PTCH1: variants seen among roughly 807,000 people sequenced by gnomAD.
PTCH1 encodes the protein protein patched homolog 1.
A neutral mutation model predicts 144.6 loss-of-function variants in PTCH1; 14 were observed. The ratio of observed to expected loss-of-function variants is 0.10; its 90% CI spans 0.06 to 0.15. The LOEUF (loss-of-function observed/expected upper bound fraction) is 0.15, where lower values mean the gene tolerates loss of function less well. Ranked by LOEUF, PTCH1 falls within the 10% of genes least tolerant of loss-of-function variation. The pLI is 1.00. For missense variants in PTCH1, 1,623 were observed against 1,948.3 expected, an observed-to-expected ratio of 0.83 and a Z score of 3.14; for synonymous variants, 833 against 793.6, an observed-to-expected ratio of 1.05 and a Z score of -0.83.
rs372219420 is a variant in PTCH1, at chr9:95,468,986, G to A, written c.2015C>T (p.Thr672Met). ...CTCAGCGGTGGTGTAGTACACGTGC[G>A]TGTGGGGGTCGTACTCCGTGCGGAG... ...VQLRTEYDPH[T>M]HVYYTTAEPR... The change falls in exon 14 of 24, where the codon ACG becomes ATG. Residue 672 changes from threonine to methionine, a missense_variant. By Grantham distance (81) the Thr-to-Met change is moderately conservative. Coordinates refer to ENST00000331920, the MANE Select transcript of PTCH1 (RefSeq NM_000264.5). The A allele has an allele frequency of 1.3e-5, 21 of 1,614,046 alleles. No homozygotes were observed. Among genetic ancestry groups the A allele is most frequent in the African/African-American group, 5.3e-5 (4 of 74,998 alleles).
chr9:95,446,636 T>C lies in PTCH1; in HGVS notation c.*2-245A>G, dbSNP rs1259003702. On this transcript the variant is annotated intron_variant, in intron 23 of 23. Coordinates refer to ENST00000331920, the MANE Select transcript of PTCH1 (RefSeq NM_000264.5). Reference sequence around the variant, plus strand: ...CTCCATAAAGACTGGCAAATATTGGTAAAAGGTGGTGCTGTTTGTGTCCTT... The same window carrying C: ...CTCCATAAAGACTGGCAAATATTGGCAAAAGGTGGTGCTGTTTGTGTCCTT... The C allele has an allele frequency of 1.6e-5, 9 of 561,806 alleles. No individual in the cohort carries two copies. The Admixed American group carries it at 2.3e-4, about 14-fold the overall frequency. The allele number at this position is 561,806 out of a possible 1,614,324, so 34.8% of individuals were successfully genotyped here.
At chr9:95,480,336 C>G (rs1841429312) in intron 6 of PTCH1, 54 bp downstream of exon 6, 1 of 1,591,300 alleles carries the variant, frequency 6.3e-7, no homozygotes, top group Non-Finnish European at 8.6e-7. Flanking sequence ...TGAATGGACA[C>G]AAAAAAGTGT....
At chr9:95,462,745 G>C (rs1213325362) in intron 15 of PTCH1, among the ~76,000 whole-genome samples, 1 of 152,214 alleles carries the variant, frequency 6.6e-6, no homozygotes, top group East Asian at 1.9e-4. Context: ...GGCTCTGTGA[G>C]AACAGATGAC....
rs1181309560 is a variant in PTCH1 at position 95,463,392 on chromosome 9, C to T, written c.2561-1394G>A. On this transcript the variant is annotated intron_variant, in intron 15 of 23. Coordinates refer to ENST00000331920, the MANE Select transcript of PTCH1 (RefSeq NM_000264.5). ...GAGGGGAGACGGGACAGGAGACCAC[C>T]GGGTGGGCCGTGCACCTCTCAGACA... Among the ~76,000 whole-genome samples the T allele has an allele frequency of 5.3e-5, 8 of 151,954 alleles. No individual in the cohort carries two copies. The East Asian group carries it at 5.8e-4, about 11-fold the overall frequency.
intron 14 of PTCH1, 89 bp downstream of exon 14, chr9:95,468,662 A>C (rs1346321215): frequency 3.9e-6 from 6 of 1,543,512 alleles, no homozygotes; most frequent in Non-Finnish European, 4.4e-6. Context: ...TTTTAAGGAA[A>C]AAGAAGAAAA....
chr9:95,460,055 C>T, intron 16 of PTCH1: 1 of 482,606 alleles, frequency 2.1e-6, no homozygotes, highest in Non-Finnish European at 3.8e-6. Context: ...TGCTAAAAGA[C>T]CGTCTGCAGC....
At chr9:95,485,238 TC>T (rs1305848340) in intron 3 of PTCH1, among the ~76,000 whole-genome samples, 1 of 151,916 alleles carries the variant, frequency 6.6e-6, no homozygotes, top group Non-Finnish European at 1.5e-5. Flanking sequence ...CAGCAACAAT[TC>T]CCATGGTGGC....
intron 3 of PTCH1, 64 bp from the exon 4 acceptor site, chr9:95,482,267 A>G (rs1454728402): frequency 6.9e-7 from 1 of 1,448,390 alleles, no homozygotes; most frequent in Non-Finnish European, 9.7e-7. Flanking sequence ...TGCAAATTCG[A>G]AATGATAGAA....
At chr9:95,481,446 C>T (rs558380861) in intron 5 of PTCH1, among the ~76,000 whole-genome samples, 2 of 152,314 alleles carry the variant, frequency 1.3e-5, no homozygotes, top group Admixed American at 6.5e-5. Context: ...AACTGCTAAA[C>T]GGTGAAACAT....
chr9:95,473,157 C>T (rs888422287), intron 12 of PTCH1, among the ~76,000 whole-genome samples: 6 of 152,210 alleles, frequency 3.9e-5, no homozygotes, highest in African/African-American at 1.4e-4. Context: ...CCAGTGATTT[C>T]TGGTGTAGAG....
Position 95,476,920 on chromosome 9 carries a change from GCTAGTTAGGA to G in PTCH1, c.1504-73_1504-64del. On this transcript the variant is annotated intron_variant, in intron 10 of 23. Coordinates refer to ENST00000331920, the MANE Select transcript of PTCH1 (RefSeq NM_000264.5). This position sits in a 1 kb window ranked among gnomAD's most constrained non-coding sequence, Gnocchi z 4.6. ...GAGATGCAATTCAGATGATTCTAAA[GCTAGTTAGGA>G]CTCTGCCACCAGCACCTAACAGCTC... is the stretch of plus-strand genomic sequence containing the variant. 6.7e-7 allele frequency: 1 copy of G among 1,493,526 alleles called. No homozygotes were observed. Among genetic ancestry groups the G allele is most frequent in the Non-Finnish European group, 9.2e-7 (1 of 1,082,038 alleles). 92.5% of individuals were successfully genotyped at this position (1,493,526 alleles called of 1,614,324 possible).
chr9:95,508,832 C>T lies in PTCH1; in HGVS notation c.-471G>A, dbSNP rs908366396. On this transcript the variant is annotated 5_prime_UTR_variant, in exon 1 of 24. Transcript: ENST00000331920. ...CTCCCGCCGGCCGCGCTGGCTCTCTCGGCGCCTCCCGGGTCGCCCGAGCGG... is the reference window on the plus strand; with the variant it reads ...CTCCCGCCGGCCGCGCTGGCTCTCTTGGCGCCTCCCGGGTCGCCCGAGCGG... The T allele has an allele frequency of 2.9e-5, 29 of 984,048 alleles. No homozygotes were observed. Among genetic ancestry groups the T allele is most frequent in the Admixed American group, 1.2e-4 (2 of 16,190 alleles). The allele number at this position is 984,048 out of a possible 1,614,324, so 61.0% of individuals were successfully genotyped here.
intron 2 of PTCH1, among the ~76,000 whole-genome samples, chr9:95,494,631 G>A (rs903517841): frequency 2.6e-5 from 4 of 152,218 alleles, no homozygotes; most frequent in African/African-American, 9.7e-5. Context: ...CGCTCTGCAG[G>A]AAGTGGGCGG....
chr9:95,513,507 C>T (rs75614054), upstream of PTCH1, among the ~76,000 whole-genome samples: 10,197 of 152,102 alleles, frequency 0.067, 442 homozygotes, highest in Non-Finnish European at 0.093. Flanking sequence ...GCCCAGGATA[C>T]AGGATGTGAG....
chr9:95,453,682 C>A, intron 19 of PTCH1, 62 bp from the exon 20 acceptor site: 1 of 1,602,876 alleles, frequency 6.2e-7, no homozygotes, highest in Non-Finnish European at 8.5e-7. Context: ...ATGCTCAGCT[C>A]TGTCCTAAAT....
intron 22 of PTCH1, 52 bp from the exon 23 acceptor site, chr9:95,447,503 TC>T (rs2136585644): frequency 6.8e-7 from 1 of 1,474,772 alleles, no homozygotes; most frequent in Non-Finnish European, 9.0e-7. Context: ...CTGGGCATGG[TC>T]CCCGCAGCTC....
At chr9:95,516,873 C>A in exon 1 of PTCH1, 1 of 1,475,278 alleles carries the variant, frequency 6.8e-7, no homozygotes, top group Non-Finnish European at 9.2e-7. Flanking sequence ...GTCAGGGTCA[C>A]GTGACGGATC....
Position 95,476,041 on chromosome 9 carries a change from G to C in PTCH1, c.1721C>G (p.Ser574Cys), listed in dbSNP as rs1841002219. The change falls in exon 12 of 24, where the codon TCC (serine) becomes TGC (cysteine). Residue 574 changes from serine (S) to cysteine (C), a missense_variant. Physicochemically the swap from Ser to Cys is moderately radical, Grantham distance 112 (BLOSUM62 -1). Around this residue, in one of 7 missense-constraint regions of PTCH1, gnomAD observed 135 missense variants for 228.7 expected, o/e 0.59. Coordinates refer to ENST00000331920, the MANE Select transcript of PTCH1 (RefSeq NM_000264.5). This position sits in a 1 kb window ranked among gnomAD's most constrained non-coding sequence, Gnocchi z 4.6. ...LIPIPALRAF[S>C]LQAAVVVVFN... ...TCATCACCAGAAGCTCACCTGGAGG[G>C]AGAACGCCCGCAGAGCGGGAATTGG... 1 of 1,613,890 alleles carries C rather than the reference G, an allele frequency of 6.2e-7. No individual in the cohort carries two copies. Among genetic ancestry groups the C allele is most frequent in the Non-Finnish European group, 8.5e-7 (1 of 1,180,026 alleles).
chr9:95,496,391 G>A (rs547141397), intron 2 of PTCH1, among the ~76,000 whole-genome samples: 1 of 152,036 alleles, frequency 6.6e-6, no homozygotes, highest in East Asian at 1.9e-4. Flanking sequence ...GTTTCGGTCC[G>A]CAACAAAAAA....
Sources: gnomAD v4.1 joint callset for allele counts (sites outside exome capture counted in the v4.1 genomes callset) on GRCh38, gnomAD v4.1.1 for gene constraint, gnomAD v4.1.1 regional missense constraint, Gnocchi (gnomAD v3.1) non-coding constraint, MANE v1.5 for transcripts, NCBI Gene and HGNC (gene_info 2026-07-23, HGNC 2026-07-21) for gene names.